TIGD5: variants seen among roughly 807,000 people sequenced by gnomAD.
TIGD5 encodes tigger transposable element derived 5, also known as tigger transposable element-derived protein 5.
TIGD5 carries 24 observed loss-of-function variants against 28.8 expected under a neutral mutation model. The observed-to-expected ratio is 0.83, with a 90% CI of 0.60 to 1.17. The LOEUF (loss-of-function observed/expected upper bound fraction) is 1.17. TIGD5 is among the 50% of genes most tolerant of loss of function. The pLI is 0.00. For missense variants in TIGD5, 922 were observed against 911.4 expected (o/e 1.01, Z -0.15); for synonymous variants, 538 against 430.5 (o/e 1.25, Z -3.09).
chr8:143,598,301 T>G lies in TIGD5; in HGVS notation c.398T>G (p.Leu133Arg). 6.2e-7 allele frequency: 1 copy of G among 1,609,228 alleles called. No homozygotes were observed. The change falls in exon 1 of 1, where the codon CTG (leucine) becomes CGG (arginine). Residue 133 changes from leucine to arginine, a missense_variant. By Grantham distance (102) the Leu-to-Arg change is moderately radical. Transcript: ENST00000504548. The surrounding 1 kb of genome is among the most constrained non-coding windows in gnomAD (Gnocchi z 6.6). Reference protein sequence around the residue: ...EIDRAVYAWFLALRQHGVPLS... With the variant: ...EIDRAVYAWFRALRQHGVPLS... ...GACCGCGCCGTGTACGCCTGGTTCCTGGCGCTGCGCCAGCACGGGGTGCCG... is the reference window on the plus strand; with the variant it reads ...GACCGCGCCGTGTACGCCTGGTTCCGGGCGCTGCGCCAGCACGGGGTGCCG...
Position 143,600,787 on chromosome 8 carries a change from G to C in TIGD5, c.*955G>C, listed in dbSNP as rs1191213408. ...AGGATGTGGCTGACAAGCTGCTCCTGGGAGGCCTACTTTGAAAGGAGGAAA... is the reference window on the plus strand; with the variant it reads ...AGGATGTGGCTGACAAGCTGCTCCTCGGAGGCCTACTTTGAAAGGAGGAAA... On this transcript the variant is annotated 3_prime_UTR_variant, in exon 1 of 1. Transcript: ENST00000504548. 6.6e-6 allele frequency: 1 copy of C among 152,432 alleles called. No individual in the cohort carries two copies. Among genetic ancestry groups the C allele is most frequent in the African/African-American group, 2.4e-5 (1 of 41,460 alleles). 9.4% of individuals were successfully genotyped at this position (152,432 alleles called of 1,614,324 possible).
Position 143,598,743 on chromosome 8 carries a change from C to T in TIGD5, c.840C>T (p.Ala280=). The part of the protein sequence containing the change: ...WRGDRVTVLL[A]ANLTGSHKLK... ...GCGACCGCGTAACGGTGCTGCTGGC[C>T]GCAAACCTGACCGGCAGCCACAAGC... Residue 280 remains alanine, a synonymous_variant, in exon 1 of 1, where the codon GCC becomes GCT. Transcript: ENST00000504548. The surrounding 1 kb of genome is among the most constrained non-coding windows in gnomAD (Gnocchi z 6.6). 1.9e-6 allele frequency: 3 copies of T among 1,565,288 alleles called. No individual in the cohort carries two copies. The highest frequency in any genetic ancestry group is 2.3e-5 in the East Asian group (1 of 42,780).
At position 143,598,750 on chromosome 8, in the gene TIGD5, C is replaced by G; in HGVS notation, c.847C>G (p.Leu283Val). The change falls in exon 1 of 1, where the codon CTG becomes GTG. Residue 283 changes from leucine (L) to valine (V), a missense_variant. Leu to Val is a conservative substitution (Grantham distance 32, BLOSUM62 1). Coordinates refer to ENST00000504548, the MANE Select transcript of TIGD5 (RefSeq NM_032862.5). This position sits in a 1 kb window ranked among gnomAD's most constrained non-coding sequence, Gnocchi z 6.6. The part of the protein sequence containing the change: ...DRVTVLLAAN[L>V]TGSHKLKPLV... ...CGTAACGGTGCTGCTGGCCGCAAAC[C>G]TGACCGGCAGCCACAAGCTGAAGCC... 1 of 1,578,200 alleles carries G rather than the reference C, an allele frequency of 6.3e-7. No homozygotes were observed. The highest frequency in any genetic ancestry group is 8.6e-7 in the Non-Finnish European group (1 of 1,169,174).
At position 143,599,320 on chromosome 8, in the gene TIGD5, A is replaced by G; in HGVS notation, c.1417A>G (p.Ile473Val). ...LSWDLVQAGS[I>V]ERCWLLGLRA... ...CTGGGACCTGGTGCAGGCGGGCAGC[A>G]TTGAGCGCTGCTGGCTGCTGGGCCT... is the stretch of plus-strand genomic sequence containing the variant. The change falls in exon 1 of 1, where the codon ATT (isoleucine) becomes GTT (valine). Residue 473 changes from isoleucine to valine, a missense_variant. Physicochemically the swap from Ile to Val is conservative, Grantham distance 29. Around this residue, in one of 3 missense-constraint regions of TIGD5, gnomAD observed 821 missense variants for 815.2 expected, o/e 1.01. Coordinates refer to ENST00000504548, the MANE Select transcript of TIGD5 (RefSeq NM_032862.5). The G allele has an allele frequency of 1.2e-6, 2 of 1,602,548 alleles. No homozygotes were observed. Among genetic ancestry groups the G allele is most frequent in the Non-Finnish European group, 1.7e-6 (2 of 1,175,394 alleles).
chr8:143,600,042 G>C lies in TIGD5; in HGVS notation c.*210G>C. The C allele has an allele frequency of 2.1e-6, 1 of 471,870 alleles. No homozygotes were observed. Among genetic ancestry groups the C allele is most frequent in the Non-Finnish European group, 3.6e-6 (1 of 281,466 alleles). The allele number at this position is 471,870 out of a possible 1,614,324, so 29.2% of individuals were successfully genotyped here. On this transcript the variant is annotated 3_prime_UTR_variant, in exon 1 of 1. Coordinates refer to ENST00000504548, the MANE Select transcript of TIGD5 (RefSeq NM_032862.5). ...CCCTGGGGGCACAGCTGGAAGAGAG[G>C]CCTGGCCCATGCTCCTCTCAGGGCA... is the stretch of plus-strand genomic sequence containing the variant.
Position 143,599,467 on chromosome 8 carries a change from A to G in TIGD5, c.1564A>G (p.Lys522Glu). Residue 522 changes from lysine to glutamate, a missense_variant, in exon 1 of 1, where the codon AAG becomes GAG. Transcript: ENST00000504548. ...CACCCACCTGGCGGCTCTGGCCTAC[A>G]AGTGCCTGGCTCCGGAGGAGGTTGC... ...DLTHLAALAY[K>E]CLAPEEVAEW... The G allele has an allele frequency of 6.3e-7, 1 of 1,590,786 alleles. No homozygotes were observed. Among genetic ancestry groups the G allele is most frequent in the Non-Finnish European group, 8.6e-7 (1 of 1,169,422 alleles).
Position 143,599,584 on chromosome 8 carries a change from C to G in TIGD5, c.1681C>G (p.Pro561Ala). The G allele has an allele frequency of 6.5e-7, 1 of 1,537,064 alleles. No homozygotes were observed. Among genetic ancestry groups the G allele is most frequent in the Non-Finnish European group, 8.7e-7 (1 of 1,144,866 alleles). The change falls in exon 1 of 1, where the codon CCA becomes GCA. Residue 561 changes from proline (P) to alanine (A), a missense_variant. Physicochemically the swap from Pro to Ala is conservative, Grantham distance 27. This residue lies in a region of TIGD5 where 821 missense variants were observed against 815.2 expected (regional missense o/e 1.01). Coordinates refer to ENST00000504548, the MANE Select transcript of TIGD5 (RefSeq NM_032862.5). ...PALPPAAPPA[P>A]ASLPSAMGGG... The stretch of plus-strand genomic sequence containing the variant: ...CCTGCCCCCTGCAGCGCCTCCGGCC[C>G]CAGCCAGTCTGCCCTCTGCCATGGG...
chr8:143,598,204 T>TTCC lies in TIGD5; in HGVS notation c.303_305dup (p.Leu102dup), dbSNP rs1265506081. ...CAAGGACGAGCCCAAGCTGCGCTGG[T>TTCC]TCCTGGAGCAGCTGGGCGGTGAGGT... On this transcript the variant is annotated inframe_insertion, in exon 1 of 1. Transcript: ENST00000504548. This position sits in a 1 kb window ranked among gnomAD's most constrained non-coding sequence, Gnocchi z 6.6. The TTCC allele has an allele frequency of 6.2e-7, 1 of 1,607,198 alleles. No individual in the cohort carries two copies. The highest frequency in any genetic ancestry group is 8.5e-7 in the Non-Finnish European group (1 of 1,177,772).
In TIGD5 at chr8:143,599,916, CT is replaced by C. The variant is rs1477114677; in HGVS notation, c.*85del. The C allele has an allele frequency of 1.5e-6, 2 of 1,368,266 alleles. No individual in the cohort carries two copies. The highest frequency in any genetic ancestry group is 5.3e-5 in the East Asian group (2 of 37,810). 84.8% of individuals were successfully genotyped at this position (1,368,266 alleles called of 1,614,324 possible). A position where few individuals can be genotyped will look rare whatever the true frequency, so the allele number is the denominator to read the frequency against. On this transcript the variant is annotated 3_prime_UTR_variant, in exon 1 of 1. Transcript: ENST00000504548. The stretch of plus-strand genomic sequence containing the variant: ...GTCTCCCATCTCTCCTCCCCTCCCC[CT>C]GGGGTGGCCCACCGCATGGGTACAG...
chr8:143,597,968 C>A lies in TIGD5; in HGVS notation c.65C>A (p.Pro22His). The change falls in exon 1 of 1, where the codon CCC (proline) becomes CAC (histidine). Residue 22 changes from proline to histidine, a missense_variant. Physicochemically the swap from Pro to His is moderately conservative, Grantham distance 77 (BLOSUM62 -2). Coordinates refer to ENST00000504548, the MANE Select transcript of TIGD5 (RefSeq NM_032862.5). ...PRRGRRPLPG[P>H]PAPAPAPVPA... ...CGCGGCCGCCGTCCCCTGCCCGGGC[C>A]CCCCGCGCCCGCCCCAGCCCCCGTC... 2 of 906,098 alleles carry A rather than the reference C, an allele frequency of 2.2e-6. No homozygotes were observed. Among genetic ancestry groups the A allele is most frequent in the Non-Finnish European group, 1.3e-6 (1 of 757,426 alleles). 56.1% of individuals were successfully genotyped at this position (906,098 alleles called of 1,614,324 possible).
rs1829275156 is a variant in TIGD5 at position 143,602,095 on chromosome 8, C to CATA, written c.*2264_*2265insTAA. On this transcript the variant is annotated 3_prime_UTR_variant, in exon 1 of 1. Coordinates refer to ENST00000504548, the MANE Select transcript of TIGD5 (RefSeq NM_032862.5). Reference sequence around the variant, plus strand: ...TGCGCGACAGAGCGAGACTCTGTCTCAAAAAAAAAAAAAAAAAAGTGCAGG... The same window carrying CATA: ...TGCGCGACAGAGCGAGACTCTGTCTCATAAAAAAAAAAAAAAAAAAAGTGCAGG... 1 of 113,752 alleles carries CATA rather than the reference C, an allele frequency of 8.8e-6. No homozygotes were observed. The highest frequency in any genetic ancestry group is 1.7e-5 in the Non-Finnish European group (1 of 58,066). The allele number at this position is 113,752 out of a possible 1,614,324, so 7.0% of individuals were successfully genotyped here.
At position 143,602,972 on chromosome 8, in the gene TIGD5, C is replaced by T. The variant is rs556622597; in HGVS notation, c.*3140C>T. On this transcript the variant is annotated 3_prime_UTR_variant, in exon 1 of 1. Transcript: ENST00000504548. ...CCACTGGGCTGCGGATGAAACATCA[C>T]ACTGTGGTAGGAAAGGAAGGGGAGC... 19 of 152,416 alleles carry T rather than the reference C, an allele frequency of 1.2e-4. 1 individual carries two copies. Among genetic ancestry groups the T allele is most frequent in the African/African-American group, 4.6e-4 (19 of 41,588 alleles). 9.4% of individuals were successfully genotyped at this position (152,416 alleles called of 1,614,324 possible).
rs750426580 is a variant in TIGD5, at chr8:143,598,838, C to T, written c.935C>T (p.Pro312Leu). 2.5e-6 allele frequency: 4 copies of T among 1,601,014 alleles called. No homozygotes were observed. Among genetic ancestry groups the T allele is most frequent in the South Asian group, 2.2e-5 (2 of 90,960 alleles). Reference sequence around the variant, plus strand: ...CGCCACCACAACCAGGACAAGTTCCCGGCCTCCTACCGCTACAGCCCCGAC... The same window carrying T: ...CGCCACCACAACCAGGACAAGTTCCTGGCCTCCTACCGCTACAGCCCCGAC... ...SLRHHNQDKF[P>L]ASYRYSPDAW... Residue 312 changes from proline to leucine, a missense_variant, in exon 1 of 1, where the codon CCG becomes CTG. Pro to Leu is a moderately conservative substitution (Grantham distance 98). This residue lies in a region of TIGD5 where 821 missense variants were observed against 815.2 expected (regional missense o/e 1.01). Coordinates refer to ENST00000504548, the MANE Select transcript of TIGD5 (RefSeq NM_032862.5). The surrounding 1 kb of genome is among the most constrained non-coding windows in gnomAD (Gnocchi z 6.6).
rs1199628900 is a variant in TIGD5, at chr8:143,599,263, C to T, written c.1360C>T (p.Leu454Phe). 4 of 1,611,500 alleles carry T rather than the reference C, an allele frequency of 2.5e-6. No individual in the cohort carries two copies. In the Admixed American group the frequency reaches 5.0e-5, roughly 20 times the overall value. The stretch of plus-strand genomic sequence containing the variant: ...GCTGGACTTCATGCGCAGCTTCATG[C>T]TCAAGGACATGCTCTACCTGGCTGG... ...SPLDFMRSFMLKDMLYLAGLS... is the reference protein window; with the variant it reads ...SPLDFMRSFMFKDMLYLAGLS... Residue 454 changes from leucine to phenylalanine, a missense_variant, in exon 1 of 1, where the codon CTC becomes TTC. Physicochemically the swap from Leu to Phe is conservative, Grantham distance 22. Coordinates refer to ENST00000504548, the MANE Select transcript of TIGD5 (RefSeq NM_032862.5).
In TIGD5 at chr8:143,598,524, C is replaced by T. The variant is rs900192037; in HGVS notation, c.621C>T (p.Pro207=). ...CCGGCCCGCCCGTCAAGGAGGAGCC[C>T]GCGCTGCCCTCCGGCGCCGGCCCCC... ...PAPGPPVKEE[P]ALPSGAGPLP... The change falls in exon 1 of 1, where the codon CCC becomes CCT. Residue 207 remains proline, a synonymous_variant. Coordinates refer to ENST00000504548, the MANE Select transcript of TIGD5 (RefSeq NM_032862.5). This position sits in a 1 kb window ranked among gnomAD's most constrained non-coding sequence, Gnocchi z 6.6. 2.4e-5 allele frequency: 32 copies of T among 1,324,036 alleles called. No homozygotes were observed. Among genetic ancestry groups the T allele is most frequent in the Middle Eastern group, 2.8e-4 (1 of 3,546 alleles). 82.0% of individuals were successfully genotyped at this position (1,324,036 alleles called of 1,614,324 possible).
chr8:143,599,962 T>G lies in TIGD5; in HGVS notation c.*130T>G. The G allele has an allele frequency of 9.3e-7, 1 of 1,071,216 alleles. No individual in the cohort carries two copies. Among genetic ancestry groups the G allele is most frequent in the Non-Finnish European group, 1.2e-6 (1 of 817,832 alleles). The allele number at this position is 1,071,216 out of a possible 1,614,324, so 66.4% of individuals were successfully genotyped here. On this transcript the variant is annotated 3_prime_UTR_variant, in exon 1 of 1. Transcript: ENST00000504548. ...GTACAGGGGGTTCCAGGAATCCAAA[T>G]CCAGCATGGCTTGGAGGAGCTCTGT... is the stretch of plus-strand genomic sequence containing the variant.
Position 143,597,860 on chromosome 8 carries a change from TG to T in TIGD5, c.-42del. 1 of 642,018 alleles carries T rather than the reference TG, an allele frequency of 1.6e-6. No individual in the cohort carries two copies. The highest frequency in any genetic ancestry group is 1.9e-6 in the Non-Finnish European group (1 of 520,064). 39.8% of individuals were successfully genotyped at this position (642,018 alleles called of 1,614,324 possible). ...GCCCCGCCCCGAGCGGCTGGGCGTG[TG>T]GCTCCCGCGACCCGCGCGGCCCGGG... On this transcript the variant is annotated 5_prime_UTR_variant, in exon 1 of 1. Transcript: ENST00000504548.
At position 143,601,689 on chromosome 8, in the gene TIGD5, G is replaced by A. The variant is rs1022016261; in HGVS notation, c.*1857G>A. Reference sequence around the variant, plus strand: ...GCCCTTTTGTTGGCCCGGGTCCCAGGAGGCTGGTGTCGGTGAGGGCAGGCC... The same window carrying A: ...GCCCTTTTGTTGGCCCGGGTCCCAGAAGGCTGGTGTCGGTGAGGGCAGGCC... On this transcript the variant is annotated 3_prime_UTR_variant, in exon 1 of 1. Transcript: ENST00000504548. 3.9e-5 allele frequency: 6 copies of A among 152,380 alleles called. No individual in the cohort carries two copies. Among genetic ancestry groups the A allele is most frequent in the African/African-American group, 1.4e-4 (6 of 41,478 alleles). The allele number at this position is 152,380 out of a possible 1,614,324, so 9.4% of individuals were successfully genotyped here.
In TIGD5 at chr8:143,599,219, C is replaced by T. The variant is rs1442851692; in HGVS notation, c.1316C>T (p.Ser439Phe). ...YKRELLRLAV[S>F]CASGSPLDFM... ...CGCGAGCTGCTGCGACTGGCTGTGTCCTGCGCCAGCGGCTCCCCGCTGGAC... is the reference window on the plus strand; with the variant it reads ...CGCGAGCTGCTGCGACTGGCTGTGTTCTGCGCCAGCGGCTCCCCGCTGGAC... The change falls in exon 1 of 1, where the codon TCC becomes TTC. Residue 439 changes from serine (S) to phenylalanine (F), a missense_variant. By Grantham distance (155) the Ser-to-Phe change is radical. Transcript: ENST00000504548. The T allele has an allele frequency of 8.1e-6, 13 of 1,611,544 alleles. No homozygotes were observed. The highest frequency in any genetic ancestry group is 1.1e-5 in the Non-Finnish European group (13 of 1,179,682).
Sources: gnomAD v4.1 joint callset for allele counts on GRCh38, gnomAD v4.1.1 for gene constraint, gnomAD v4.1.1 regional missense constraint, Gnocchi (gnomAD v3.1) non-coding constraint, MANE v1.5 for transcripts, NCBI Gene and HGNC (gene_info 2026-07-23, HGNC 2026-07-21) for gene names.